The following VAV3 variants were observed in gnomAD, a reference collection of about 807,000 sequenced individuals.
The protein encoded by VAV3 is vav guanine nucleotide exchange factor 3, also known as guanine nucleotide exchange factor VAV3.
VAV3 carries 94 observed loss-of-function variants against 131.2 expected under a neutral mutation model. The observed-to-expected ratio is 0.72, with a 90% CI of 0.61 to 0.85. VAV3 has a LOEUF of 0.85. Among genes scored for constraint, VAV3 ranks in the 40% least tolerant of loss-of-function variants. VAV3 has a pLI of 0.00. For synonymous variants in VAV3, 349 were observed against 342.0 expected, an observed-to-expected ratio of 1.02 and a Z score of -0.22; for missense variants, 939 against 1,002.7, an observed-to-expected ratio of 0.94 and a Z score of 0.86.
At chr1:107,653,193 T>G (rs990119536) in intron 19 of VAV3, among the ~76,000 whole-genome samples, 6 of 151,956 alleles carry the variant, frequency 3.9e-5, no homozygotes, top group African/African-American at 1.4e-4. Context: ...TGGCAAAGTT[T>G]CAGAGAATGC....
chr1:107,748,973 C>T lies in VAV3; in HGVS notation c.1497G>A (p.Met499Ile). The change falls in exon 15 of 27, where the codon ATG becomes ATA. Residue 499 changes from methionine (M) to isoleucine (I), a missense_variant. By Grantham distance (10) the Met-to-Ile change is conservative. Coordinates refer to ENST00000370056, the MANE Select transcript of VAV3 (RefSeq NM_006113.5). ...LKKKWLEQFE[M>I]ALSNIRPDYA... ...TTAAAAATAGAAATACTCACAAAGC[C>T]ATTTCAAACTGTTCTAGCCATTTCT... 6.3e-7 allele frequency: 1 copy of T among 1,587,150 alleles called. No homozygotes were observed. The highest frequency in any genetic ancestry group is 8.6e-7 in the Non-Finnish European group (1 of 1,167,960).
chr1:107,856,172 C>T (rs979010640), intron 2 of VAV3, among the ~76,000 whole-genome samples: 1 of 152,172 alleles, frequency 6.6e-6, no homozygotes, highest in African/African-American at 2.4e-5. Context: ...CAAAAGCCGA[C>T]ATGAAATCTG....
intron 24 of VAV3, among the ~76,000 whole-genome samples, chr1:107,601,072 T>C (rs1337537934): frequency 6.6e-6 from 1 of 152,176 alleles, no homozygotes; most frequent in Non-Finnish European, 1.5e-5. Flanking sequence ...GTCTCAGCTG[T>C]GTCTGTCATT....
chr1:107,773,287 A>G lies in VAV3; in HGVS notation c.447-444T>C, dbSNP rs182298338. 5.3e-5 allele frequency among the ~76,000 whole-genome samples: 8 copies of G among 152,346 alleles called. No individual in the cohort carries two copies. In the East Asian group the frequency reaches 1.4e-3, roughly 26 times the overall value. The stretch of plus-strand genomic sequence containing the variant: ...TAACGCTGAGTGTTTTACCCACTCT[A>G]TCATACTGCCTCCCACTTTTCATAT... On this transcript the variant is annotated intron_variant, in intron 4 of 26. Transcript: ENST00000370056.
intron 2 of VAV3, among the ~76,000 whole-genome samples, chr1:107,802,238 A>G (rs1285287135): frequency 3.4e-5 from 5 of 147,946 alleles, no homozygotes; most frequent in African/African-American, 1.3e-4. Context: ...TTTTTGTTCT[A>G]ACAGGGTTTT....
intron 25 of VAV3, among the ~76,000 whole-genome samples, chr1:107,577,544 C>T (rs894356000): frequency 2.0e-5 from 3 of 152,304 alleles, no homozygotes; most frequent in Admixed American, 6.5e-5. Flanking sequence ...CAAGTTCTGG[C>T]CAATGGAATA....
chr1:107,728,595 G>A (rs1362643706), intron 15 of VAV3, among the ~76,000 whole-genome samples: 3 of 130,312 alleles, frequency 2.3e-5, no homozygotes, highest in Non-Finnish European at 5.0e-5. Flanking sequence ...ATATGTATAC[G>A]TATACGTATA....
At chr1:107,645,988 T>C (rs1053917837) in intron 19 of VAV3, among the ~76,000 whole-genome samples, 5 of 152,058 alleles carry the variant, frequency 3.3e-5, no homozygotes, top group Admixed American at 2.0e-4. Flanking sequence ...ACGTAACTTC[T>C]CTCCATTGAC....
chr1:107,710,960 GA>G (rs1660749992), intron 15 of VAV3, among the ~76,000 whole-genome samples: 1 of 151,792 alleles, frequency 6.6e-6, no homozygotes, highest in Admixed American at 6.6e-5. Context: ...AAAGATAATA[GA>G]AAACATATCT....
At chr1:107,784,443 G>A (rs1292869623) in intron 2 of VAV3, among the ~76,000 whole-genome samples, 3 of 151,958 alleles carry the variant, frequency 2.0e-5, no homozygotes, top group Admixed American at 1.3e-4. Context: ...TATTTTTCTC[G>A]CCAAAGATCT....
intron 15 of VAV3, among the ~76,000 whole-genome samples, chr1:107,719,873 G>A (rs1219216127): frequency 6.6e-6 from 1 of 152,176 alleles, no homozygotes; most frequent in African/African-American, 2.4e-5. Flanking sequence ...GGAATACTAT[G>A]CAGCCATTAA....
chr1:107,917,802 A>G (rs990687177), intron 1 of VAV3, among the ~76,000 whole-genome samples: 1 of 152,054 alleles, frequency 6.6e-6, no homozygotes, highest in African/African-American at 2.4e-5. Flanking sequence ...TACATACTGC[A>G]TGGGCTTCCC....
At chr1:107,777,358 A>G in intron 3 of VAV3, 62 bp from the exon 4 acceptor site, 2 of 1,461,378 alleles carry the variant, frequency 1.4e-6, no homozygotes, top group South Asian at 2.3e-5. Context: ...AGCAACAATC[A>G]GGCTGCGCAC....
chr1:107,716,295 T>A (rs568307820), intron 15 of VAV3, among the ~76,000 whole-genome samples: 44 of 152,298 alleles, frequency 2.9e-4, no homozygotes, highest in African/African-American at 1.0e-3. Flanking sequence ...ACTATAAACA[T>A]TATTGTGACC....
At chr1:107,719,332 A>C (rs1235977125) in intron 15 of VAV3, among the ~76,000 whole-genome samples, 1 of 152,248 alleles carries the variant, frequency 6.6e-6, no homozygotes, top group African/African-American at 2.4e-5. Context: ...AATGTCTAGA[A>C]TCTACAAAGA....
intron 20 of VAV3, among the ~76,000 whole-genome samples, chr1:107,625,356 T>C (rs1473762264): frequency 6.6e-6 from 1 of 151,658 alleles, no homozygotes; most frequent in Non-Finnish European, 1.5e-5. Context: ...AACCTCCGCC[T>C]CCCGGGCTCA....
intron 2 of VAV3, among the ~76,000 whole-genome samples, chr1:107,864,692 T>C (rs941777791): frequency 6.6e-6 from 1 of 152,200 alleles, no homozygotes; most frequent in African/African-American, 2.4e-5. Flanking sequence ...TGTCACTATT[T>C]CAAATGGGTT....
intron 12 of VAV3, among the ~76,000 whole-genome samples, chr1:107,755,012 T>C (rs183094109): frequency 6.6e-6 from 1 of 152,238 alleles, no homozygotes; most frequent in East Asian, 1.9e-4. Context: ...CTCCTCAATC[T>C]TGAGACCATC....
At position 107,688,349 on chromosome 1, in the gene VAV3, G is replaced by T. The variant is rs202237918; in HGVS notation, c.1731+32C>A. On this transcript the variant is annotated intron_variant, in intron 18 of 26. Transcript: ENST00000370056. ...TTAGCAAACAACTTGAAATGCAAAG[G>T]TTATAAAAAATATTTAAAATGTTAA... 1.1e-5 allele frequency: 18 copies of T among 1,607,354 alleles called. No individual in the cohort carries two copies. In the South Asian group the frequency reaches 1.3e-4, roughly 12 times the overall value.
Sources: allele counts gnomAD v4.1 joint callset (sites outside exome capture counted in the v4.1 genomes callset), GRCh38; gene constraint gnomAD v4.1.1; transcripts MANE v1.5; gene names NCBI Gene and HGNC (gene_info 2026-07-23, HGNC 2026-07-21).